ABCC12: variants seen among roughly 807,000 people sequenced by gnomAD.
The protein encoded by ABCC12 is ATP-binding cassette sub-family C member 12.
A neutral mutation model predicts 151.1 loss-of-function variants in ABCC12; 142 were observed. That is an observed-to-expected ratio of 0.94 (90% CI 0.82 to 1.08). ABCC12 has a LOEUF of 1.08. ABCC12 is among the 50% of genes least tolerant of loss of function. ABCC12 has a pLI of 0.00. For missense variants in ABCC12, 1,638 were observed against 1,691.1 expected (o/e 0.97, Z 0.55); for synonymous variants, 645 against 646.4 (o/e 1.00, Z 0.03).
At chr16:48,142,821 A>G (rs1964863189) in intron 4 of ABCC12, among the ~76,000 whole-genome samples, 1 of 152,208 alleles carries the variant, frequency 6.6e-6, no homozygotes, top group African/African-American at 2.4e-5. Flanking sequence ...TTTTGTTTAG[A>G]TTAAAATAAA....
chr16:48,104,758 A>C (rs990765873), intron 21 of ABCC12, among the ~76,000 whole-genome samples: 2 of 152,182 alleles, frequency 1.3e-5, no homozygotes, highest in Non-Finnish European at 2.9e-5. Flanking sequence ...TGCTCTAGCC[A>C]GGGCCCTCCC....
chr16:48,126,301 C>T (rs1018323646), intron 11 of ABCC12, among the ~76,000 whole-genome samples: 6 of 152,168 alleles, frequency 3.9e-5, no homozygotes, highest in Non-Finnish European at 1.5e-5. Flanking sequence ...TAGATTCATC[C>T]TTGTCTTTAG....
intron 8 of ABCC12, 112 bp from the exon 9 acceptor site, chr16:48,133,947 G>T: frequency 7.7e-7 from 1 of 1,294,054 alleles, no homozygotes; most frequent in Non-Finnish European, 1.1e-6. Context: ...CATGAGTCCT[G>T]TTGTGAAGTT....
intron 11 of ABCC12, among the ~76,000 whole-genome samples, chr16:48,126,139 C>A (rs1458789170): frequency 1.3e-5 from 2 of 152,202 alleles, no homozygotes; most frequent in Non-Finnish European, 2.9e-5. Flanking sequence ...GGAATTCCTG[C>A]CTCATGAAAT....
Position 48,091,102 on chromosome 16 carries a change from G to A in ABCC12, c.3285+18C>T. ...CAAAATTAACTTGTCCCTCCTCTCT[G>A]ATGCACTAATTTCTTACCGAAATGT... On this transcript the variant is annotated intron_variant, in intron 25 of 30. Coordinates refer to ENST00000311303, the MANE Select transcript of ABCC12 (RefSeq NM_001393797.1). 3 of 1,612,164 alleles carry A rather than the reference G, an allele frequency of 1.9e-6. No individual in the cohort carries two copies. The highest frequency in any genetic ancestry group is 2.5e-6 in the Non-Finnish European group (3 of 1,178,226).
At chr16:48,093,810 C>G (rs1277826139) in intron 24 of ABCC12, among the ~76,000 whole-genome samples, 1 of 152,226 alleles carries the variant, frequency 6.6e-6, no homozygotes, top group Non-Finnish European at 1.5e-5. Context: ...AGGCACAGTG[C>G]TGGCCCCAGG....
chr16:48,088,839 G>C, intron 25 of ABCC12, 105 bp from the exon 26 acceptor site: 1 of 997,966 alleles, frequency 1.0e-6, no homozygotes, highest in South Asian at 1.8e-5. Flanking sequence ...GCTATTCATG[G>C]TGGTGAAATA....
At chr16:48,135,031 G>A (rs1441760297) in intron 8 of ABCC12, among the ~76,000 whole-genome samples, 2 of 148,362 alleles carry the variant, frequency 1.3e-5, no homozygotes, top group Non-Finnish European at 3.0e-5. Context: ...CAGCCTGGGC[G>A]AGAGCGAGAC....
At position 48,133,696 on chromosome 16, in the gene ABCC12, G is replaced by A. The variant is rs751060978; in HGVS notation, c.1119C>T (p.Thr373=). 7.4e-6 allele frequency: 12 copies of A among 1,613,848 alleles called. No homozygotes were observed. The highest frequency in any genetic ancestry group is 3.3e-5 in the Admixed American group (2 of 59,990). Residue 373 remains threonine, a synonymous_variant, in exon 9 of 31, where the codon ACC becomes ACT. Transcript: ENST00000311303. Reference sequence around the variant, plus strand: ...TGGAGCCAGCTCTTACCACGGGTGCGGTGAGTTTGCGTCTCAGGAGGATGT... The same window carrying A: ...TGGAGCCAGCTCTTACCACGGGTGCAGTGAGTTTGCGTCTCAGGAGGATGT... ...SCHILLRRKL[T]APVAFSVIAM... is the part of the protein sequence containing the mutation.
At position 48,128,863 on chromosome 16, in the gene ABCC12, GT is replaced by G. The variant is rs1347784392; in HGVS notation, c.1237-127del. ...CTAACCCACCACATCCAGGAAAGAGGTTCTGAAATTATTCCCCCAGGAGAAG... is the reference window on the plus strand; with the variant it reads ...CTAACCCACCACATCCAGGAAAGAGGTCTGAAATTATTCCCCCAGGAGAAG... On this transcript the variant is annotated intron_variant, in intron 10 of 30. Coordinates refer to ENST00000311303, the MANE Select transcript of ABCC12 (RefSeq NM_001393797.1). The G allele has an allele frequency of 1.0e-4, 109 of 1,083,130 alleles. No homozygotes were observed. In the Admixed American group the frequency reaches 1.2e-3, roughly 11 times the overall value. The allele number at this position is 1,083,130 out of a possible 1,614,324, so 67.1% of individuals were successfully genotyped here.
Position 48,104,160 on chromosome 16 carries a change from C to G in ABCC12, c.2882G>C (p.Gly961Ala). The change falls in exon 22 of 31, where the codon GGC becomes GCC. Residue 961 changes from glycine (G) to alanine (A), a missense_variant. Physicochemically the swap from Gly to Ala is moderately conservative, Grantham distance 60. Coordinates refer to ENST00000311303, the MANE Select transcript of ABCC12 (RefSeq NM_001393797.1). ...GGCCTACCGTAACAGAATGAAGAAG[C>G]CTACAGCAAGGCTGGCCACGACTAA... ...VLLVVASLAV[G>A]FFILLRIFHR... is the part of the protein sequence containing the mutation. 6.2e-7 allele frequency: 1 copy of G among 1,614,126 alleles called. No individual in the cohort carries two copies. The highest frequency in any genetic ancestry group is 8.5e-7 in the Non-Finnish European group (1 of 1,180,024).
At chr16:48,111,690 A>G in intron 16 of ABCC12, 28 bp from the exon 17 acceptor site, 2 of 1,614,060 alleles carry the variant, frequency 1.2e-6, no homozygotes, top group Non-Finnish European at 1.7e-6. Context: ...TTCCTTCTGA[A>G]TGCTAAGTGA....
intron 27 of ABCC12, 43 bp downstream of exon 27, chr16:48,087,883 C>T: frequency 6.3e-7 from 1 of 1,590,758 alleles, no homozygotes; most frequent in Non-Finnish European, 8.6e-7. Context: ...AGTCTGATTT[C>T]ACTCTCCAAA....
intron 29 of ABCC12, 100 bp downstream of exon 29, chr16:48,085,493 C>G: frequency 1.0e-6 from 1 of 1,004,574 alleles, no homozygotes; most frequent in African/African-American, 1.6e-5. Flanking sequence ...CAATTGCTGT[C>G]TCTTTGCTGA....
At chr16:48,151,692 C>T (rs961229013) in intron 2 of ABCC12, among the ~76,000 whole-genome samples, 8 of 152,096 alleles carry the variant, frequency 5.3e-5, no homozygotes, top group African/African-American at 1.7e-4. Flanking sequence ...TGAATGGGAA[C>T]ACTCTACACC....
At chr16:48,106,536 G>C (rs973232556) in intron 20 of ABCC12, among the ~76,000 whole-genome samples, 1 of 152,310 alleles carries the variant, frequency 6.6e-6, no homozygotes, top group African/African-American at 2.4e-5. Flanking sequence ...CGTGAGTGAG[G>C]GGGGATCTGG....
At chr16:48,105,476 T>C in intron 20 of ABCC12, 140 bp from the exon 21 acceptor site, 2 of 870,184 alleles carry the variant, frequency 2.3e-6, no homozygotes, top group Non-Finnish European at 3.5e-6. Flanking sequence ...GGATACAATC[T>C]AGTCTGTTCC....
At chr16:48,094,707 T>A (rs186349713) in intron 24 of ABCC12, among the ~76,000 whole-genome samples, 28 of 152,042 alleles carry the variant, frequency 1.8e-4, no homozygotes, top group Non-Finnish European at 4.1e-4. Context: ...AATTGGGCTC[T>A]CTGAATAGTC....
intron 10 of ABCC12, among the ~76,000 whole-genome samples, chr16:48,129,079 C>G (rs959148196): frequency 2.1e-4 from 32 of 152,248 alleles, no homozygotes; most frequent in African/African-American, 7.7e-4. Context: ...CTTATGAAAT[C>G]AAGGTCATAT....
Sources: allele counts gnomAD v4.1 joint callset (sites outside exome capture counted in the v4.1 genomes callset), GRCh38; gene constraint gnomAD v4.1.1; transcripts MANE v1.5; gene names NCBI Gene and HGNC (gene_info 2026-07-23, HGNC 2026-07-21).